AFF3: variants seen among roughly 807,000 people sequenced by gnomAD.
AFF3 encodes the protein AF4/FMR2 family member 3.
Under a neutral mutation model 129.7 loss-of-function variants are expected in AFF3, and 32 were observed. That is an observed-to-expected ratio of 0.25 (90% confidence interval 0.19 to 0.33). The LOEUF is 0.33. Ranked by LOEUF, AFF3 falls within the 10% of genes least tolerant of loss-of-function variation. The probability of loss-of-function intolerance (pLI) is 1.00; values close to 1 mark genes in which losing one functional copy is unlikely to be tolerated. For missense variants in AFF3, 1,373 were observed against 1,592.0 expected, an observed-to-expected ratio of 0.86 and a Z score of 2.34; for synonymous variants, 644 against 635.4, an observed-to-expected ratio of 1.01 and a Z score of -0.20.
At chr2:99,683,960 T>G (rs1674783421) in intron 11 of AFF3, among the ~76,000 whole-genome samples, 1 of 152,218 alleles carries the variant, frequency 6.6e-6, no homozygotes, top group African/African-American at 2.4e-5. Flanking sequence ...TGTAGTTTTA[T>G]TCTTCAGTCT....
intron 11 of AFF3, among the ~76,000 whole-genome samples, chr2:99,696,712 AG>A (rs2104730165): frequency 5.2e-5 from 1 of 19,086 alleles, no homozygotes; most frequent in African/African-American, 2.2e-4. Context: ...GCTGGAGTGC[AG>A]TGGCTCACTG....
intron 4 of AFF3, among the ~76,000 whole-genome samples, chr2:100,065,595 C>T (rs1259022502): frequency 1.3e-5 from 2 of 152,182 alleles, no homozygotes; most frequent in Non-Finnish European, 2.9e-5. Flanking sequence ...ATATTTTCCA[C>T]AACTGACAAC....
chr2:99,619,360 G>A (rs371057493), intron 13 of AFF3, among the ~76,000 whole-genome samples: 19 of 152,376 alleles, frequency 1.2e-4, no homozygotes, highest in South Asian at 1.2e-3. Flanking sequence ...CAGGCTTGTG[G>A]CCATATCAGC....
At chr2:99,738,796 G>A (rs1287217718) in intron 10 of AFF3, among the ~76,000 whole-genome samples, 1 of 152,030 alleles carries the variant, frequency 6.6e-6, no homozygotes, top group Non-Finnish European at 1.5e-5. Flanking sequence ...AAGCCTCCAG[G>A]CAAGCTGTAA....
Position 99,946,935 on chromosome 2 carries a change from C to T in AFF3, c.873+59697G>A, listed in dbSNP as rs190604068. ...AAAGGGCCTTGCCCCCCATTCTAGA[C>T]AAAATGATCTTTGTTAAAATGTGTC... On this transcript the variant is annotated intron_variant, in intron 7 of 24. Coordinates refer to ENST00000672756, the MANE Select transcript of AFF3 (RefSeq NM_001386135.1). Among the ~76,000 whole-genome samples, 186 of 152,262 alleles carry T rather than the reference C, an allele frequency of 1.2e-3. 1 individual carries two copies. Among genetic ancestry groups the T allele is most frequent in the African/African-American group, 4.4e-3 (182 of 41,562 alleles).
chr2:100,141,212 A>C (rs537297364), intron 1 of AFF3, among the ~76,000 whole-genome samples: 1 of 152,322 alleles, frequency 6.6e-6, no homozygotes, highest in East Asian at 1.9e-4. Context: ...TAAACCTTGA[A>C]ATCTGGAAAA....
chr2:99,600,285 TGAG>T (rs1282896033), intron 14 of AFF3, among the ~76,000 whole-genome samples: 1 of 151,858 alleles, frequency 6.6e-6, no homozygotes. Flanking sequence ...GAGGAGAAAA[TGAG>T]GAGTGTGGGG....
chr2:99,894,470 A>ATT (rs35613057), intron 7 of AFF3, among the ~76,000 whole-genome samples: 13 of 142,628 alleles, frequency 9.1e-5, no homozygotes, highest in Admixed American at 1.4e-4. Context: ...AGCGTCAGGA[A>ATT]TTTTTTTTTT....
chr2:100,103,661 C>T (rs1690938361), intron 4 of AFF3, among the ~76,000 whole-genome samples: 1 of 151,944 alleles, frequency 6.6e-6, no homozygotes, highest in Admixed American at 6.6e-5. Flanking sequence ...CCCCGAGAAA[C>T]GGAACCTGGA....
intron 13 of AFF3, among the ~76,000 whole-genome samples, chr2:99,648,913 A>ACTCT (rs1558695739): frequency 4.9e-4 from 17 of 34,716 alleles, no homozygotes; most frequent in Admixed American, 1.1e-3. Context: ...ACACACACAC[A>ACTCT]CACACTCTCT....
chr2:99,891,892 A>G (rs1005086646), intron 7 of AFF3, among the ~76,000 whole-genome samples: 3 of 151,058 alleles, frequency 2.0e-5, no homozygotes, highest in Admixed American at 1.3e-4. Context: ...GCATGATCTC[A>G]GCTCACTGCA....
rs566175906 is a variant in AFF3, at chr2:99,860,728, G to GA, written c.874-23205dup. On this transcript the variant is annotated intron_variant, in intron 7 of 24. Coordinates refer to ENST00000672756, the MANE Select transcript of AFF3 (RefSeq NM_001386135.1). Reference sequence around the variant, plus strand: ...CAACAAGAGTAAAACTCCGTCTCAAGAAAAAAAAAAAAATTAAATTGACAG... The same window carrying GA: ...CAACAAGAGTAAAACTCCGTCTCAAGAAAAAAAAAAAAAATTAAATTGACAG... 2.0e-3 allele frequency among the ~76,000 whole-genome samples: 258 copies of GA among 128,270 alleles called. 2 individuals carry two copies. The highest frequency in any genetic ancestry group is 0.016 in the East Asian group (72 of 4,382). The allele number at this position is 128,270 out of a possible 152,430, so 84.2% of individuals were successfully genotyped here.
intron 8 of AFF3, among the ~76,000 whole-genome samples, chr2:99,799,873 G>C (rs999335443): frequency 6.6e-6 from 1 of 152,048 alleles, no homozygotes; most frequent in Admixed American, 6.6e-5. Flanking sequence ...TCAACAAATG[G>C]TACTGGAATA....
rs559755315 is a variant in AFF3 at position 100,068,860 on chromosome 2, A to G, written c.53+35542T>C. ...CAAGGTCCCCATGACAGTCACTTCCAGACTATGAGGTGGAGAGTCACACAG... is the reference window on the plus strand; with the variant it reads ...CAAGGTCCCCATGACAGTCACTTCCGGACTATGAGGTGGAGAGTCACACAG... On this transcript the variant is annotated intron_variant, in intron 4 of 24. Transcript: ENST00000672756. Among the ~76,000 whole-genome samples, 4 of 152,318 alleles carry G rather than the reference A, an allele frequency of 2.6e-5. No individual in the cohort carries two copies. In the East Asian group the frequency reaches 7.7e-4, roughly 29 times the overall value.
intron 1 of AFF3, among the ~76,000 whole-genome samples, chr2:100,137,945 A>G (rs1484500673): frequency 1.3e-5 from 2 of 152,178 alleles, no homozygotes; most frequent in Non-Finnish European, 2.9e-5. Context: ...CAGCTGTGGA[A>G]GCAAAGCAAT....
intron 7 of AFF3, among the ~76,000 whole-genome samples, chr2:99,886,442 G>C (rs1693117921): frequency 6.6e-6 from 1 of 151,232 alleles, no homozygotes; most frequent in Admixed American, 6.6e-5. Flanking sequence ...CAGGAATAAA[G>C]GAGGTACGCG....
At chr2:100,112,972 C>G (rs1691577801) in intron 2 of AFF3, among the ~76,000 whole-genome samples, 1 of 152,208 alleles carries the variant, frequency 6.6e-6, no homozygotes, top group South Asian at 2.1e-4. Context: ...CTGTCACTCT[C>G]TAGACAACAA....
intron 7 of AFF3, among the ~76,000 whole-genome samples, chr2:99,987,813 T>G (rs780976909): frequency 5.9e-5 from 9 of 152,216 alleles, no homozygotes; most frequent in Non-Finnish European, 1.0e-4. Context: ...TCTGACAGAA[T>G]GTAAGAAATA....
intron 7 of AFF3, among the ~76,000 whole-genome samples, chr2:99,906,809 GCAAT>G (rs1022811437): frequency 3.3e-5 from 5 of 151,498 alleles, no homozygotes; most frequent in African/African-American, 7.3e-5. Flanking sequence ...CCAACACCTT[GCAAT>G]CAATCAATCA....
Sources: allele counts gnomAD v4.1 joint callset (sites outside exome capture counted in the v4.1 genomes callset), GRCh38; gene constraint gnomAD v4.1.1; transcripts MANE v1.5; gene names NCBI Gene and HGNC (gene_info 2026-07-23, HGNC 2026-07-21).